Variants in AP3B2 observed in about 807,000 individuals in gnomAD.
AP3B2 encodes adaptor related protein complex 3 subunit beta 2, also known as AP-3 complex subunit beta-2.
AP3B2 carries 50 observed loss-of-function variants against 126.9 expected under a neutral mutation model. The ratio of observed to expected loss-of-function variants is 0.39; its 90% CI spans 0.31 to 0.50. The LOEUF (loss-of-function observed/expected upper bound fraction) is 0.50. Ranked by LOEUF, AP3B2 falls within the 20% of genes least tolerant of loss-of-function variation. The pLI, the probability that AP3B2 is intolerant of heterozygous loss-of-function variation, is 0.79. For missense variants in AP3B2, 1,177 were observed against 1,426.4 expected, an observed-to-expected ratio of 0.83 and a Z score of 2.82; for synonymous variants, 541 against 565.0, an observed-to-expected ratio of 0.96 and a Z score of 0.60.
intron 1 of AP3B2, among the ~76,000 whole-genome samples, chr15:82,698,605 G>C (rs1263054848): frequency 6.6e-6 from 1 of 152,094 alleles, no homozygotes; most frequent in African/African-American, 2.4e-5. Flanking sequence ...GATTTTTGAT[G>C]ATAAATGTAG....
rs375416338 is a variant in AP3B2, at chr15:82,659,836, G to T, written c.3155+9C>A. ...GCTCATCATTTCCCCTCTACTGGTG[G>T]CCTAGTACCTGTACTCATCAGATGT... On this transcript the variant is annotated intron_variant, in intron 26 of 26. Transcript: ENST00000535359. 2.5e-4 allele frequency: 403 copies of T among 1,613,622 alleles called. No homozygotes were observed. Among genetic ancestry groups the T allele is most frequent in the Non-Finnish European group, 3.3e-4 (393 of 1,179,708 alleles).
At chr15:82,692,018 C>A (rs527761623) in intron 1 of AP3B2, 1 of 1,467,260 alleles carries the variant, frequency 6.8e-7, no homozygotes, top group South Asian at 1.2e-5. Flanking sequence ...CAGGTCCTGC[C>A]AGCTGCCTGA....
chr15:82,659,736 G>A, intron 26 of AP3B2, 26 bp from the exon 27 acceptor site: 1 of 1,613,256 alleles, frequency 6.2e-7, no homozygotes. Context: ...AAGGGGTGAG[G>A]AAGAGCTGCT....
At chr15:82,693,537 A>G (rs1234301676) in intron 1 of AP3B2, among the ~76,000 whole-genome samples, 1 of 151,636 alleles carries the variant, frequency 6.6e-6, no homozygotes, top group Non-Finnish European at 1.5e-5. Context: ...GTGAGCCACC[A>G]CACCTGGCCA....
chr15:82,677,492 C>A, intron 12 of AP3B2, 109 bp from the exon 13 acceptor site: 1 of 1,366,888 alleles, frequency 7.3e-7, no homozygotes, highest in South Asian at 1.3e-5. Flanking sequence ...TCTCAACCCC[C>A]TTCAGTTCTC....
At position 82,680,546 on chromosome 15, in the gene AP3B2, G is replaced by C. The variant is rs756215154; in HGVS notation, c.981C>G (p.Leu327=). 2.6e-6 allele frequency: 4 copies of C among 1,564,510 alleles called. No individual in the cohort carries two copies. The highest frequency in any genetic ancestry group is 3.4e-6 in the Non-Finnish European group (4 of 1,162,638). ...SAAVVMAVAQ[L]YFHLAPKAEV... is the part of the protein sequence containing the mutation. ...CCGCCTTGGGCGCCAGGTGGAAGTA[G>C]AGCTGCGCCACCGCCATCACCACCG... Residue 327 remains leucine (L), a synonymous_variant, in exon 8 of 27, where the codon CTC becomes CTG. Coordinates refer to ENST00000535359, the MANE Select transcript of AP3B2 (RefSeq NM_001278512.2). The surrounding 1 kb of genome is among the most constrained non-coding windows in gnomAD (Gnocchi z 6.1).
In AP3B2 at chr15:82,664,879, G is replaced by A. The variant is rs564405920; in HGVS notation, c.2093C>T (p.Ser698Leu). ...GGGGCCTGACTCCCCCTCAGAGTCCGAGTAGAAGGGTTTTTCCTTCTCCTT... is the reference window on the plus strand; with the variant it reads ...GGGGCCTGACTCCCCCTCAGAGTCCAAGTAGAAGGGTTTTTCCTTCTCCTT... ...KRKEKEKPFYSDSEGESGPTE... is the reference protein window; with the variant it reads ...KRKEKEKPFYLDSEGESGPTE... Residue 698 changes from serine (S) to leucine (L), a missense_variant, in exon 18 of 27, where the codon TCG (serine) becomes TTG (leucine). Transcript: ENST00000535359. This position sits in a 1 kb window ranked among gnomAD's most constrained non-coding sequence, Gnocchi z 4.5. 2.9e-5 allele frequency: 47 copies of A among 1,605,370 alleles called. No homozygotes were observed. Among genetic ancestry groups the A allele is most frequent in the Non-Finnish European group, 3.8e-5 (45 of 1,176,040 alleles).
intron 23 of AP3B2, 118 bp from the exon 24 acceptor site, chr15:82,662,370 A>G: frequency 1.2e-6 from 1 of 845,252 alleles, no homozygotes; most frequent in South Asian, 1.6e-5. Context: ...CCTCTACAGA[A>G]TCTTGGCTTT....
chr15:82,662,167 C>G lies in AP3B2; in HGVS notation c.2918+1G>C. 1 of 1,597,164 alleles carries G rather than the reference C, an allele frequency of 6.3e-7. No homozygotes were observed. Among genetic ancestry groups the G allele is most frequent in the South Asian group, 1.1e-5 (1 of 87,826 alleles). ...ACCCCCACCTCGAGTTGGGCACATACCACAGCTGGAAGTTGGCTGCCTGGG... is the reference window on the plus strand; with the variant it reads ...ACCCCCACCTCGAGTTGGGCACATAGCACAGCTGGAAGTTGGCTGCCTGGG... On this transcript the variant is annotated splice_donor_variant, in intron 24 of 26. Coordinates refer to ENST00000535359, the MANE Select transcript of AP3B2 (RefSeq NM_001278512.2). LOFTEE classifies it high-confidence loss of function.
intron 4 of AP3B2, among the ~76,000 whole-genome samples, chr15:82,683,090 G>A (rs1413218544): frequency 1.3e-4 from 15 of 112,896 alleles, no homozygotes; most frequent in Non-Finnish European, 2.2e-4. Context: ...ACGGAGTCTC[G>A]CTCTGTCGCC....
In AP3B2 at chr15:82,666,892, A is replaced by G. The variant is rs747517458; in HGVS notation, c.1707T>C (p.Tyr569=). 25 of 1,613,876 alleles carry G rather than the reference A, an allele frequency of 1.5e-5. No individual in the cohort carries two copies. The South Asian group carries it at 2.6e-4, about 17-fold the overall frequency. The change falls in exon 15 of 27, where the codon TAT becomes TAC. Residue 569 remains tyrosine (Y), a synonymous_variant. Transcript: ENST00000535359. ...GGTCGCGAATATCATAGTTCTGGTC[A>G]TATTTGGCCAGACTCAGCACATACT... The part of the protein sequence containing the change: ...LTQYVLSLAK[Y]DQNYDIRDRA...
rs115317039 is a variant in AP3B2, at chr15:82,698,448, C to A, written c.114-8995G>T. On this transcript the variant is annotated intron_variant, in intron 1 of 26. Coordinates refer to ENST00000535359, the MANE Select transcript of AP3B2 (RefSeq NM_001278512.2). ...ATCACAAGACCTCTCCCCGCTCCCC[C>A]ACACCCTCATAGAGACACACACACC... is the stretch of plus-strand genomic sequence containing the variant. Among the ~76,000 whole-genome samples the A allele has an allele frequency of 7.4e-3, 1,125 of 151,872 alleles. 12 individuals carry two copies. Among genetic ancestry groups the A allele is most frequent in the Non-Finnish European group, 8.4e-3 (569 of 67,920 alleles).
At chr15:82,707,211 T>G (rs2151464465) in intron 1 of AP3B2, among the ~76,000 whole-genome samples, 1 of 152,234 alleles carries the variant, frequency 6.6e-6, no homozygotes, top group Middle Eastern at 3.4e-3. Flanking sequence ...CCATCCTCAA[T>G]CTTCAGAAAA....
Position 82,671,328 on chromosome 15 carries a change from A to G in AP3B2, c.1666-4395T>C, listed in dbSNP as rs2048154640. On this transcript the variant is annotated intron_variant, in intron 14 of 26. Transcript: ENST00000535359. ...AAAAAAGATATATCATCTCACCCCA[A>G]GTAGGCTTATATCCAAAAGATAGGC... Among the ~76,000 whole-genome samples, 3 of 152,280 alleles carry G rather than the reference A, an allele frequency of 2.0e-5. No homozygotes were observed. The South Asian group carries it at 6.2e-4, about 32-fold the overall frequency.
In AP3B2 at chr15:82,681,666, C is replaced by T. The variant is rs2048340996; in HGVS notation, c.361-86G>A. The T allele has an allele frequency of 2.8e-6, 4 of 1,419,996 alleles. No individual in the cohort carries two copies. In the South Asian group the frequency reaches 3.9e-5, roughly 14 times the overall value. 88.0% of individuals were successfully genotyped at this position (1,419,996 alleles called of 1,614,324 possible). ...CCACACCTTTGGAAGTCACTGTCCC[C>T]AGCGACCACTAGCTCTTGCTTCCCT... On this transcript the variant is annotated intron_variant, in intron 4 of 26. Coordinates refer to ENST00000535359, the MANE Select transcript of AP3B2 (RefSeq NM_001278512.2). This position sits in a 1 kb window ranked among gnomAD's most constrained non-coding sequence, Gnocchi z 4.0.
chr15:82,663,521 G>C, intron 21 of AP3B2, 39 bp downstream of exon 21: 1 of 1,602,724 alleles, frequency 6.2e-7, no homozygotes, highest in South Asian at 1.1e-5. Context: ...ATGCTCCCCA[G>C]GCCTCCTTTC....
In AP3B2 at chr15:82,680,366, G is replaced by T; in HGVS notation, c.1055+106C>A. 1 of 1,471,626 alleles carries T rather than the reference G, an allele frequency of 6.8e-7. No individual in the cohort carries two copies. Among genetic ancestry groups the T allele is most frequent in the Non-Finnish European group, 9.1e-7 (1 of 1,099,420 alleles). 91.2% of individuals were successfully genotyped at this position (1,471,626 alleles called of 1,614,324 possible). On this transcript the variant is annotated intron_variant, in intron 8 of 26. Coordinates refer to ENST00000535359, the MANE Select transcript of AP3B2 (RefSeq NM_001278512.2). The surrounding 1 kb of genome is among the most constrained non-coding windows in gnomAD (Gnocchi z 6.1). Reference sequence around the variant, plus strand: ...CAGGACTACGGTCAGTGTGGAGCGGGTGGGCAGAGGTGGAAGCGGCTGGTG... The same window carrying T: ...CAGGACTACGGTCAGTGTGGAGCGGTTGGGCAGAGGTGGAAGCGGCTGGTG...
intron 4 of AP3B2, chr15:82,687,661 C>T (rs1341522609): frequency 1.3e-5 from 2 of 152,166 alleles, no homozygotes; most frequent in Non-Finnish European, 2.9e-5. Flanking sequence ...CCAAAGAAGC[C>T]GACTGTCAAC....
At chr15:82,682,520 A>G (rs745887523) in intron 4 of AP3B2, among the ~76,000 whole-genome samples, 3 of 152,186 alleles carry the variant, frequency 2.0e-5, no homozygotes, top group Admixed American at 2.0e-4. Context: ...TCTAGACCTC[A>G]ACAATAAAGC....
Sources: allele counts gnomAD v4.1 joint callset (sites outside exome capture counted in the v4.1 genomes callset), GRCh38; gene constraint gnomAD v4.1.1; non-coding constraint Gnocchi (gnomAD v3.1); transcripts MANE v1.5; gene names NCBI Gene and HGNC (gene_info 2026-07-23, HGNC 2026-07-21).